The following TMEM33 variants were observed in gnomAD, a reference collection of about 807,000 sequenced individuals.
TMEM33 encodes transmembrane protein 33.
In TMEM33, 16 loss-of-function variants were observed where a neutral mutation model predicts 29.7. The observed-to-expected ratio is 0.54, with a 90% CI of 0.36 to 0.82. TMEM33 has a LOEUF of 0.82. Ranked by LOEUF, TMEM33 falls within the 40% of genes least tolerant of loss-of-function variation. TMEM33 has a pLI of 0.00. For missense variants in TMEM33, 252 were observed against 295.3 expected (o/e 0.85, Z 1.08); for synonymous variants, 112 against 109.4 (o/e 1.02, Z -0.15).
intron 6 of TMEM33, among the ~76,000 whole-genome samples, chr4:41,950,337 T>C (rs1158149502): frequency 6.6e-6 from 1 of 152,192 alleles, no homozygotes; most frequent in African/African-American, 2.4e-5. Context: ...AGAAATCCAA[T>C]GAGTGCATTA....
intron 6 of TMEM33, among the ~76,000 whole-genome samples, chr4:41,952,038 T>C (rs531900096): frequency 5.9e-5 from 9 of 152,100 alleles, no homozygotes; most frequent in Non-Finnish European, 1.2e-4. Flanking sequence ...AAGAAAAATA[T>C]CAATTTGGAG....
chr4:41,946,822 A>G (rs534007696), intron 5 of TMEM33, among the ~76,000 whole-genome samples: 1 of 152,284 alleles, frequency 6.6e-6, no homozygotes, highest in African/African-American at 2.4e-5. Context: ...AATTAGTAAG[A>G]GGAACTTTTT....
At chr4:41,939,723 T>C (rs939497320) in intron 3 of TMEM33, 2 of 460,386 alleles carry the variant, frequency 4.3e-6, no homozygotes, top group East Asian at 6.9e-5. Context: ...TGGCAAAGTG[T>C]CCAGATGTCT....
At chr4:41,951,437 G>A (rs914733459) in intron 6 of TMEM33, among the ~76,000 whole-genome samples, 1 of 152,160 alleles carries the variant, frequency 6.6e-6, no homozygotes, top group African/African-American at 2.4e-5. Flanking sequence ...ATTGTTCAAA[G>A]TTCTGTTGTC....
Position 41,959,850 on chromosome 4 carries a change from T to C in TMEM33, c.*5651T>C, listed in dbSNP as rs1179823530. 6.6e-6 allele frequency: 1 copy of C among 152,184 alleles called. No individual in the cohort carries two copies. Among genetic ancestry groups the C allele is most frequent in the Non-Finnish European group, 1.5e-5 (1 of 68,024 alleles). The allele number at this position is 152,184 out of a possible 1,614,324, so 9.4% of individuals were successfully genotyped here. On this transcript the variant is annotated 3_prime_UTR_variant, in exon 7 of 7. Coordinates refer to ENST00000504986, the MANE Select transcript of TMEM33 (RefSeq NM_018126.3). The stretch of plus-strand genomic sequence containing the variant: ...GGCTTGATTTATAAAGGCATTACTT[T>C]TGGTGCTTTATATAATGGCATATAT...
At chr4:41,940,055 T>TTC (rs1712457232) in intron 3 of TMEM33, among the ~76,000 whole-genome samples, 1 of 143,688 alleles carries the variant, frequency 7.0e-6, no homozygotes, top group African/African-American at 2.6e-5. Context: ...TCTTTTTTTT[T>TTC]TTTTTTTTTT....
rs1217945809 is a variant in TMEM33, at chr4:41,960,562, A to T, written c.*6363A>T. ...AATAAAAATCTCTCTGGAATTTAGC[A>T]GATACAAAAATGTTATCTTGCAAAA... On this transcript the variant is annotated 3_prime_UTR_variant, in exon 7 of 7. Coordinates refer to ENST00000504986, the MANE Select transcript of TMEM33 (RefSeq NM_018126.3). 6.6e-6 allele frequency: 1 copy of T among 152,210 alleles called. No individual in the cohort carries two copies. Among genetic ancestry groups the T allele is most frequent in the African/African-American group, 2.4e-5 (1 of 41,460 alleles). 9.4% of individuals were successfully genotyped at this position (152,210 alleles called of 1,614,324 possible). A position where few individuals can be genotyped will look rare whatever the true frequency, so the allele number is the denominator to read the frequency against.
In TMEM33 at chr4:41,955,461, T is replaced by C. The variant is rs959443588; in HGVS notation, c.*1262T>C. 2 of 152,622 alleles carry C rather than the reference T, an allele frequency of 1.3e-5. No individual in the cohort carries two copies. The highest frequency in any genetic ancestry group is 2.9e-5 in the Non-Finnish European group (2 of 68,038). The allele number at this position is 152,622 out of a possible 1,614,324, so 9.5% of individuals were successfully genotyped here. A position where few individuals can be genotyped will look rare whatever the true frequency, so the allele number is the denominator to read the frequency against. On this transcript the variant is annotated 3_prime_UTR_variant, in exon 7 of 7. Coordinates refer to ENST00000504986, the MANE Select transcript of TMEM33 (RefSeq NM_018126.3). ...TGTTTAAAACATTGTACAGTTTTAG[T>C]ATAGAGAAATGTAATGGTTTTTGTG...
At chr4:41,936,579 GGTC>G (rs1441730810) in intron 1 of TMEM33, among the ~76,000 whole-genome samples, 1 of 151,992 alleles carries the variant, frequency 6.6e-6, no homozygotes, top group African/African-American at 2.4e-5. Flanking sequence ...TAAATTAGCC[GGTC>G]GTGGAGGTGC....
At chr4:41,951,459 G>A (rs1713036714) in intron 6 of TMEM33, among the ~76,000 whole-genome samples, 1 of 152,148 alleles carries the variant, frequency 6.6e-6, no homozygotes, top group Admixed American at 6.6e-5. Flanking sequence ...GTGCTGTTAA[G>A]GAACTCTGAC....
intron 5 of TMEM33, among the ~76,000 whole-genome samples, chr4:41,945,797 C>T (rs925183631): frequency 6.6e-6 from 1 of 151,714 alleles, no homozygotes; most frequent in Admixed American, 6.6e-5. Flanking sequence ...ATAGTGAAAC[C>T]CTGTCTCTGT....
At chr4:41,950,114 C>T (rs1290390564) in intron 6 of TMEM33, among the ~76,000 whole-genome samples, 1 of 152,030 alleles carries the variant, frequency 6.6e-6, no homozygotes, top group African/African-American at 2.4e-5. Flanking sequence ...GAATATTCTT[C>T]TGATACCCTT....
intron 5 of TMEM33, among the ~76,000 whole-genome samples, chr4:41,946,836 C>T (rs1421921556): frequency 6.6e-6 from 1 of 152,032 alleles, no homozygotes; most frequent in African/African-American, 2.4e-5. Context: ...ACTTTTTGCT[C>T]CCTTTTGTTA....
At position 41,960,544 on chromosome 4, in the gene TMEM33, ATC is replaced by A. The variant is rs753718886; in HGVS notation, c.*6351_*6352del. ...GTTAAAATCTAATTGTGGAATAAAA[ATC>A]TCTCTGGAATTTAGCAGATACAAAA... On this transcript the variant is annotated 3_prime_UTR_variant, in exon 7 of 7. Transcript: ENST00000504986. 1.3e-5 allele frequency: 2 copies of A among 152,224 alleles called. No homozygotes were observed. The highest frequency in any genetic ancestry group is 6.5e-5 in the Admixed American group (1 of 15,288). 9.4% of individuals were successfully genotyped at this position (152,224 alleles called of 1,614,324 possible). A position where few individuals can be genotyped will look rare whatever the true frequency, so the allele number is the denominator to read the frequency against.
At chr4:41,952,840 C>T (rs987207617) in intron 6 of TMEM33, among the ~76,000 whole-genome samples, 1 of 151,966 alleles carries the variant, frequency 6.6e-6, no homozygotes, top group Non-Finnish European at 1.5e-5. Flanking sequence ...AATTATTTTA[C>T]AGAAGAGGAA....
At chr4:41,944,710 G>A in intron 4 of TMEM33, 83 bp from the exon 5 acceptor site, 3 of 1,504,746 alleles carry the variant, frequency 2.0e-6, no homozygotes, top group South Asian at 1.2e-5. Context: ...TTGCCTGTTG[G>A]ATAGGCTGTT....
At chr4:41,949,422 T>G in intron 6 of TMEM33, 37 bp downstream of exon 6, 1 of 1,511,698 alleles carries the variant, frequency 6.6e-7, no homozygotes, top group South Asian at 1.2e-5. Context: ...TTTTATTTGT[T>G]GAGAGTATTG....
At position 41,954,059 on chromosome 4, in the gene TMEM33, T is replaced by C; in HGVS notation, c.615-11T>C. The C allele has an allele frequency of 6.2e-7, 1 of 1,612,008 alleles. No individual in the cohort carries two copies. The highest frequency in any genetic ancestry group is 8.5e-7 in the Non-Finnish European group (1 of 1,178,690). On this transcript the variant is annotated splice_polypyrimidine_tract_variant and intron_variant, in intron 6 of 6. Coordinates refer to ENST00000504986, the MANE Select transcript of TMEM33 (RefSeq NM_018126.3). ...CTTGTGTTTCTCAAAGAAAACTATT[T>C]TGTCTTGCAGGACCTTATTTAATGA...
Position 41,935,514 on chromosome 4 carries a change from A to G in TMEM33, c.30A>G (p.Gln10=), listed in dbSNP as rs777269409. The G allele has an allele frequency of 6.2e-7, 1 of 1,609,184 alleles. No individual in the cohort carries two copies. Residue 10 remains glutamine, a synonymous_variant, in exon 1 of 7, where the codon CAA becomes CAG. Transcript: ENST00000504986. MADTTPNGP[Q]GAGAVQFMMT... ...CAGATACGACCCCGAACGGCCCCCAAGGGGCGGGCGCTGTGGTAAGTGCGA... is the reference window on the plus strand; with the variant it reads ...CAGATACGACCCCGAACGGCCCCCAGGGGGCGGGCGCTGTGGTAAGTGCGA...
Sources: gnomAD v4.1 joint callset for allele counts (sites outside exome capture counted in the v4.1 genomes callset) on GRCh38, gnomAD v4.1.1 for gene constraint, MANE v1.5 for transcripts, NCBI Gene and HGNC (gene_info 2026-07-23, HGNC 2026-07-21) for gene names.